Variants in HK1 observed in about 807,000 individuals in gnomAD.
HK1 encodes hexokinase 1.
A neutral mutation model predicts 91.6 loss-of-function variants in HK1; 28 were observed. The ratio of observed to expected loss-of-function variants is 0.31; its 90% CI spans 0.23 to 0.42. HK1 has a LOEUF of 0.42. Among genes scored for constraint, HK1 ranks in the 10% least tolerant of loss-of-function variants. HK1 has a pLI of 1.00. For synonymous variants in HK1, 430 were observed against 468.1 expected (o/e 0.92, Z 1.05); for missense variants, 770 against 1,219.8 (o/e 0.63, Z 5.49).
chr10:69,376,738 C>T (rs1839130409), intron 7 of HK1, among the ~76,000 whole-genome samples, 196 bp from the exon 8 acceptor site: 1 of 152,148 alleles, frequency 6.6e-6, no homozygotes. Context: ...GACTCCTGCC[C>T]TCTCCACAGT....
chr10:69,391,951 C>T (rs1025400741), intron 14 of HK1, among the ~76,000 whole-genome samples, 174 bp from the exon 15 acceptor site: 1 of 152,162 alleles, frequency 6.6e-6, no homozygotes, highest in Non-Finnish European at 1.5e-5. Context: ...CTCAGACTCT[C>T]CATTTACATT....
At chr10:69,288,423 A>C (rs1405899288) in intron 2 of HK1, among the ~76,000 whole-genome samples, 4 of 152,178 alleles carry the variant, frequency 2.6e-5, no homozygotes, top group Non-Finnish European at 4.4e-5. Flanking sequence ...AGCCTGAGCA[A>C]CAGAAGCTGC....
intron 4 of HK1, chr10:69,296,313 A>G (rs1447357567): frequency 1.3e-5 from 2 of 154,428 alleles, no homozygotes; most frequent in Non-Finnish European, 2.9e-5. Flanking sequence ...GGAGAAAAGC[A>G]CAGAAACTCT....
chr10:69,360,446 G>T (rs56924480), intron 3 of HK1, among the ~76,000 whole-genome samples: 7,478 of 152,328 alleles, frequency 0.049, 211 homozygotes, highest in African/African-American at 0.078. Flanking sequence ...CCACTTACTG[G>T]AGGCCCCGGC....
chr10:69,316,094 G>C (rs1013711117), upstream of HK1: 4 of 1,143,676 alleles, frequency 3.5e-6, no homozygotes, highest in Non-Finnish European at 5.3e-6. Context: ...GAGGTGAGTG[G>C]AGAAGGCAGG....
rs371465542 is a variant in HK1 at position 69,400,089 on chromosome 10, G to T, written c.2610-902G>T. 8.5e-5 allele frequency among the ~76,000 whole-genome samples: 13 copies of T among 152,346 alleles called. No individual in the cohort carries two copies. The East Asian group carries it at 1.5e-3, about 18-fold the overall frequency. On this transcript the variant is annotated intron_variant, in intron 17 of 17. Transcript: ENST00000359426. ...CCTGGCACCGTCACTTAGAATCTGTGTGCAATTGCTTAATCCCTGCAAAAT... is the reference window on the plus strand; with the variant it reads ...CCTGGCACCGTCACTTAGAATCTGTTTGCAATTGCTTAATCCCTGCAAAAT...
chr10:69,364,888 T>A lies in HK1; in HGVS notation c.481T>A (p.Ser161Thr), dbSNP rs1170956903. 3 of 1,613,942 alleles carry A rather than the reference T, an allele frequency of 1.9e-6. No individual in the cohort carries two copies. Among genetic ancestry groups the A allele is most frequent in the African/African-American group, 2.7e-5 (2 of 74,880 alleles). ...CACGTTTTCTTTTCCTTGCCAACAA[T>A]CCAAAATAGATGAGGTAAGGATGTT... ...GFTFSFPCQQ[S>T]KIDEAILITW... is the part of the protein sequence containing the mutation. The change falls in exon 4 of 18, where the codon TCC (serine) becomes ACC (threonine). Residue 161 changes from serine (S) to threonine (T), a missense_variant. Ser to Thr is a moderately conservative substitution (Grantham distance 58). Transcript: ENST00000359426.
chr10:69,323,652 C>G (rs906445234), intron 1 of HK1, among the ~76,000 whole-genome samples: 2 of 152,102 alleles, frequency 1.3e-5, no homozygotes, highest in African/African-American at 2.4e-5. Context: ...CCTTTCCTAC[C>G]TTAGATACTC....
intron 1 of HK1, among the ~76,000 whole-genome samples, chr10:69,321,491 T>TC (rs1239109429): frequency 2.0e-5 from 3 of 152,156 alleles, no homozygotes; most frequent in East Asian, 1.9e-4. Context: ...TGAGGATGGT[T>TC]CCCCCCCAGC....
chr10:69,381,314 G>A (rs1425255548), intron 9 of HK1, among the ~76,000 whole-genome samples: 1 of 152,112 alleles, frequency 6.6e-6, no homozygotes, highest in African/African-American at 2.4e-5. Context: ...AAATAGTTTT[G>A]TGTTGCTGAG....
At chr10:69,375,883 T>A (rs1390459030) in intron 7 of HK1, among the ~76,000 whole-genome samples, 1 of 152,224 alleles carries the variant, frequency 6.6e-6, no homozygotes, top group Non-Finnish European at 1.5e-5. Flanking sequence ...TACACCTGGC[T>A]GCCTCTCCCC....
At chr10:69,370,443 A>G (rs2132820963) in intron 7 of HK1, among the ~76,000 whole-genome samples, 1 of 152,356 alleles carries the variant, frequency 6.6e-6, no homozygotes. Context: ...TAAGGTTTAA[A>G]AAATATCTCT....
intron 8 of HK1, among the ~76,000 whole-genome samples, chr10:69,377,765 T>C (rs1187134687): frequency 6.6e-6 from 1 of 152,332 alleles, no homozygotes; most frequent in East Asian, 1.9e-4. Context: ...CCCAAACTTC[T>C]TTTGTGCTTG....
chr10:69,272,414 A>G (rs1236108881), intron 1 of HK1, among the ~76,000 whole-genome samples: 1 of 152,220 alleles, frequency 6.6e-6, no homozygotes, highest in Non-Finnish European at 1.5e-5. Context: ...CAGATCTTAG[A>G]TGGCAGATCT....
intron 1 of HK1, among the ~76,000 whole-genome samples, chr10:69,339,518 G>A (rs1033505960): frequency 3.9e-5 from 6 of 152,220 alleles, no homozygotes; most frequent in Non-Finnish European, 5.9e-5. Context: ...CTGAACAAAA[G>A]GAGGAAAACC....
intron 17 of HK1, among the ~76,000 whole-genome samples, chr10:69,400,289 G>A (rs1223732617): frequency 2.0e-5 from 3 of 152,178 alleles, no homozygotes; most frequent in Non-Finnish European, 4.4e-5. Flanking sequence ...CCCAACCAAG[G>A]ACAGTGACTA....
At chr10:69,271,713 G>A (rs1056736595) in intron 1 of HK1, among the ~76,000 whole-genome samples, 10 of 151,914 alleles carry the variant, frequency 6.6e-5, no homozygotes, top group East Asian at 5.8e-4. Flanking sequence ...TCCTGATCTC[G>A]TGATCCACCC....
chr10:69,314,067 C>T (rs1331187624), upstream of HK1, among the ~76,000 whole-genome samples: 1 of 152,184 alleles, frequency 6.6e-6, no homozygotes, highest in African/African-American at 2.4e-5. Context: ...GCAGAACTGT[C>T]TGCAACGCTG....
chr10:69,309,007 A>G (rs1846231849), intron 5 of HK1, among the ~76,000 whole-genome samples: 1 of 152,112 alleles, frequency 6.6e-6, no homozygotes, highest in Admixed American at 6.6e-5. Flanking sequence ...TATGAAAATC[A>G]TACACCTAAA....
Sources: allele counts gnomAD v4.1 joint callset (sites outside exome capture counted in the v4.1 genomes callset), GRCh38; gene constraint gnomAD v4.1.1; transcripts MANE v1.5; gene names NCBI Gene and HGNC (gene_info 2026-07-23, HGNC 2026-07-21).